LRRIQ1: variants seen among roughly 807,000 people sequenced by gnomAD.
LRRIQ1 encodes leucine rich repeats and IQ motif containing 1, also known as leucine-rich repeat- and IQ domain-containing protein 1.
Under a neutral mutation model 211.9 loss-of-function variants are expected in LRRIQ1, and 210 were observed. The ratio of observed to expected loss-of-function variants is 0.99; its 90% CI spans 0.89 to 1.11. The LOEUF (loss-of-function observed/expected upper bound fraction) is 1.11, where lower values mean the gene tolerates loss of function less well. Among genes scored for constraint, LRRIQ1 ranks in the 50% most tolerant of loss-of-function variants. The pLI is 0.00. For missense variants in LRRIQ1, 2,136 were observed against 1,939.5 expected, an observed-to-expected ratio of 1.10 and a Z score of -1.90; for synonymous variants, 699 against 650.1, an observed-to-expected ratio of 1.08 and a Z score of -1.14.
At chr12:85,065,965 G>A (rs986194456) in intron 9 of LRRIQ1, among the ~76,000 whole-genome samples, 1 of 151,856 alleles carries the variant, frequency 6.6e-6, no homozygotes, top group Non-Finnish European at 1.5e-5. Flanking sequence ...AAGAGTGAGT[G>A]TTCCTAAAAG....
In LRRIQ1 at chr12:85,153,073, A is replaced by G. The variant is rs1221116916; in HGVS notation, c.4469A>G (p.Asn1490Ser). The G allele has an allele frequency of 6.3e-7, 1 of 1,586,738 alleles. No individual in the cohort carries two copies. The highest frequency in any genetic ancestry group is 1.7e-5 in the Admixed American group (1 of 58,130). The change falls in exon 21 of 27, where the codon AAT (asparagine) becomes AGT (serine). Residue 1490 changes from asparagine (N) to serine (S), a missense_variant. Asn to Ser is a conservative substitution (Grantham distance 46). Transcript: ENST00000393217. ...GATACTTCATTTAATTTACCAAGTA[A>G]TCCAGCTCAAGCATGGTTATGTAAT... is the stretch of plus-strand genomic sequence containing the variant. ...WDDTSFNLPS[N>S]PAQAWLCNDK... is the part of the protein sequence containing the mutation.
At chr12:85,070,233 G>T (rs1404742297) in intron 10 of LRRIQ1, among the ~76,000 whole-genome samples, 2 of 151,908 alleles carry the variant, frequency 1.3e-5, no homozygotes, top group African/African-American at 4.8e-5. Context: ...AGTATTTGAC[G>T]ATTTACTTTT....
intron 18 of LRRIQ1, among the ~76,000 whole-genome samples, chr12:85,130,940 T>C (rs1329870554): frequency 6.6e-6 from 1 of 151,870 alleles, no homozygotes; most frequent in East Asian, 1.9e-4. Context: ...CCGGGCGCAG[T>C]GGCTCATGCC....
chr12:85,106,652 A>C, intron 15 of LRRIQ1, 37 bp downstream of exon 15: 2 of 1,349,718 alleles, frequency 1.5e-6, no homozygotes, highest in Non-Finnish European at 2.1e-6. Context: ...TATATCCATT[A>C]TTATAGTTGC....
Position 85,065,315 on chromosome 12 carries a change from A to G in LRRIQ1, c.2445A>G (p.Ala815=). 1.2e-6 allele frequency: 2 copies of G among 1,610,936 alleles called. No individual in the cohort carries two copies. Among genetic ancestry groups the G allele is most frequent in the African/African-American group, 2.7e-5 (2 of 74,802 alleles). The change falls in exon 9 of 27, where the codon GCA becomes GCG. Residue 815 remains alanine (A), a synonymous_variant. Coordinates refer to ENST00000393217, the MANE Select transcript of LRRIQ1 (RefSeq NM_001079910.2). ...DLPGCVLSTL[A]ECTNLQFLSL... is the part of the protein sequence containing the mutation. ...CAGGCTGTGTTCTCTCCACACTGGCAGAGTGTACAAATCTTCAGTTTCTAT... is the reference window on the plus strand; with the variant it reads ...CAGGCTGTGTTCTCTCCACACTGGCGGAGTGTACAAATCTTCAGTTTCTAT...
chr12:85,159,151 T>A (rs2136714514), intron 23 of LRRIQ1, among the ~76,000 whole-genome samples: 1 of 152,134 alleles, frequency 6.6e-6, no homozygotes, highest in South Asian at 2.1e-4. Context: ...CCTTTCTAAA[T>A]ATTTTGTACA....
chr12:85,264,918 C>T (rs2137349524), downstream of LRRIQ1, among the ~76,000 whole-genome samples: 1 of 152,150 alleles, frequency 6.6e-6, no homozygotes, highest in Non-Finnish European at 1.5e-5. Flanking sequence ...TAACACTTAT[C>T]ATCACTGCCT....
intron 19 of LRRIQ1, among the ~76,000 whole-genome samples, chr12:85,147,704 C>T (rs1482277533): frequency 8.4e-6 from 1 of 118,780 alleles, no homozygotes; most frequent in African/African-American, 3.6e-5. Flanking sequence ...AGATAGATAG[C>T]TGCTATTTTT....
intron 24 of LRRIQ1, among the ~76,000 whole-genome samples, chr12:85,174,838 C>A (rs770047668): frequency 4.0e-5 from 6 of 151,826 alleles, no homozygotes; most frequent in Non-Finnish European, 7.4e-5. Context: ...ATTTTCCAGG[C>A]CCACTAAATG....
At chr12:85,042,153 A>G (rs549595061) in intron 3 of LRRIQ1, among the ~76,000 whole-genome samples, 24 of 151,920 alleles carry the variant, frequency 1.6e-4, no homozygotes, top group Admixed American at 3.9e-4. Context: ...GGAAAACACA[A>G]TTGTAGAAAT....
At chr12:85,125,257 C>A (rs1226351669) in intron 17 of LRRIQ1, among the ~76,000 whole-genome samples, 1 of 152,058 alleles carries the variant, frequency 6.6e-6, no homozygotes, top group Non-Finnish European at 1.5e-5. Context: ...ATTTAATAAA[C>A]ATTTAAAGAG....
Position 85,260,365 on chromosome 12 carries a change from A to G in LRRIQ1, c.122-2550A>G, listed in dbSNP as rs193249755. On this transcript the variant is annotated intron_variant, in intron 1 of 1. Coordinates refer to the LRRIQ1 transcript ENST00000602731. ...CCTGAAGACATCTTTATACTAAGAT[A>G]GTTTTATCAAGAATATTAACTAACG... Among the ~76,000 whole-genome samples, 129 of 152,170 alleles carry G rather than the reference A, an allele frequency of 8.5e-4. 1 individual carries two copies. The highest frequency in any genetic ancestry group is 3.3e-3 in the Admixed American group (50 of 15,266).
chr12:85,057,271 T>G (rs899987567), intron 8 of LRRIQ1, 87 bp downstream of exon 8: 1 of 1,020,014 alleles, frequency 9.8e-7, no homozygotes, highest in Non-Finnish European at 1.4e-6. Flanking sequence ...AAAAGAAATA[T>G]TTTGTATACA....
intron 15 of LRRIQ1, among the ~76,000 whole-genome samples, chr12:85,106,961 A>G (rs1238223682): frequency 6.6e-6 from 1 of 152,044 alleles, no homozygotes; most frequent in East Asian, 1.9e-4. Context: ...ATAGCTTCCT[A>G]CTTAAATTGT....
Position 85,102,952 on chromosome 12 carries a change from A to AT in LRRIQ1, c.3210-1052_3210-1051insT, listed in dbSNP as rs1189372359. Among the ~76,000 whole-genome samples, 937 of 119,044 alleles carry AT rather than the reference A, an allele frequency of 7.9e-3. 13 individuals carry two copies. The highest frequency in any genetic ancestry group is 0.028 in the African/African-American group (845 of 29,718). The allele number at this position is 119,044 out of a possible 152,430, so 78.1% of individuals were successfully genotyped here. A position where few individuals can be genotyped will look rare whatever the true frequency, so the allele number is the denominator to read the frequency against. On this transcript the variant is annotated intron_variant, in intron 13 of 26. Transcript: ENST00000393217. The stretch of plus-strand genomic sequence containing the variant: ...GGCTTTTCTAATTGTGGCAAAAAAA[A>AT]AAAAAAAATATATATATATATATAT...
intron 8 of LRRIQ1, 33 bp from the exon 9 acceptor site, chr12:85,065,229 C>T (rs1251455405): frequency 6.4e-7 from 1 of 1,574,706 alleles, no homozygotes; most frequent in Admixed American, 1.8e-5. Flanking sequence ...TGTTAAATAA[C>T]ACTACACACT....
At chr12:85,155,415 C>T (rs572884973) in intron 23 of LRRIQ1, among the ~76,000 whole-genome samples, 6 of 151,412 alleles carry the variant, frequency 4.0e-5, no homozygotes, top group Admixed American at 6.6e-5. Flanking sequence ...AGACTCTTAA[C>T]GATAGTGAGA....
chr12:85,149,309 G>A (rs1332291187), intron 19 of LRRIQ1, among the ~76,000 whole-genome samples: 8 of 151,770 alleles, frequency 5.3e-5, no homozygotes, highest in Non-Finnish European at 1.2e-4. Context: ...CTTTAATCCA[G>A]CTTGAGTTAG....
At position 85,056,324 on chromosome 12, in the gene LRRIQ1, G is replaced by T. The variant is rs1289409498; in HGVS notation, c.1531G>T (p.Glu511Ter). ...RKYENTDNKT[E>*]LGNSDLKGNL... ...ATATGAAAATACAGATAACAAAACT[G>T]AATTGGGAAACTCTGATCTAAAAGG... The change falls in exon 8 of 27, where the codon GAA (glutamate) becomes TAA (stop). Residue 511 changes from glutamate to a stop codon, truncating the protein, a stop_gained. Coordinates refer to ENST00000393217, the MANE Select transcript of LRRIQ1 (RefSeq NM_001079910.2). LOFTEE classifies it high-confidence loss of function. 1 of 1,597,590 alleles carries T rather than the reference G, an allele frequency of 6.3e-7. No homozygotes were observed. The highest frequency in any genetic ancestry group is 1.4e-5 in the African/African-American group (1 of 73,836).
Sources: gnomAD v4.1 joint callset for allele counts (sites outside exome capture counted in the v4.1 genomes callset) on GRCh38, gnomAD v4.1.1 for gene constraint, MANE v1.5 for transcripts, NCBI Gene and HGNC (gene_info 2026-07-23, HGNC 2026-07-21) for gene names.